Variants in FLACC1 observed in about 807,000 individuals in gnomAD.
FLACC1 encodes the protein flagellum associated containing coiled-coil domains 1.
In FLACC1, 66 loss-of-function variants were observed where a neutral mutation model predicts 62.8. That is an observed-to-expected ratio of 1.05 (90% confidence interval 0.86 to 1.29). The LOEUF is 1.29. Among genes scored for constraint, FLACC1 ranks in the 50% most tolerant of loss-of-function variants. The pLI, the probability that FLACC1 is intolerant of heterozygous loss-of-function variation, is 0.00. For missense variants in FLACC1, 452 were observed against 489.1 expected, an observed-to-expected ratio of 0.92 and a Z score of 0.71; for synonymous variants, 156 against 161.0, an observed-to-expected ratio of 0.97 and a Z score of 0.24.
rs1438535870 is a variant in FLACC1, at chr2:201,289,677, C to T, written c.1032+19G>A. 4.3e-6 allele frequency: 7 copies of T among 1,612,394 alleles called. No individual in the cohort carries two copies. The highest frequency in any genetic ancestry group is 4.2e-6 in the Non-Finnish European group (5 of 1,178,896). On this transcript the variant is annotated intron_variant, in intron 13 of 14. Coordinates refer to ENST00000392257, the MANE Select transcript of FLACC1 (RefSeq NM_001127391.3). ...GGGTTCTTCCCCCAACCCCCATCCC[C>T]ACTCCAGTAGGGACTCACCTCTTTC...
intron 12 of FLACC1, among the ~76,000 whole-genome samples, chr2:201,296,499 C>T (rs1328991874): frequency 6.6e-5 from 8 of 121,774 alleles, no homozygotes; most frequent in African/African-American, 1.0e-4. Context: ...ACATCACACA[C>T]CGGGGCCTGT....
At position 201,351,369 on chromosome 2, in the gene FLACC1, C is replaced by T. The variant is rs377182119; in HGVS notation, c.36G>A (p.Trp12Ter). 3.7e-6 allele frequency: 6 copies of T among 1,613,896 alleles called. No homozygotes were observed. In the African/African-American group the frequency reaches 8.0e-5, roughly 22 times the overall value. ...YPNPLIYCTC[W>*]DPWNLGPRKL... Reference sequence around the variant, plus strand: ...TCCGTGGTCCCAAGTTCCAGGGGTCCCAGCAGGTGCAGTAGATGAGAGGGT... The same window carrying T: ...TCCGTGGTCCCAAGTTCCAGGGGTCTCAGCAGGTGCAGTAGATGAGAGGGT... Residue 12 changes from tryptophan to a stop codon, truncating the protein, a stop_gained, in exon 2 of 15, where the codon TGG (tryptophan) becomes TGA (stop). Transcript: ENST00000392257. LOFTEE classifies it high-confidence loss of function.
At chr2:201,322,599 C>A (rs759294704) in intron 9 of FLACC1, among the ~76,000 whole-genome samples, 1 of 152,046 alleles carries the variant, frequency 6.6e-6, no homozygotes, top group Non-Finnish European at 1.5e-5. Flanking sequence ...TCAAATCAAA[C>A]ATCAATTCAA....
In FLACC1 at chr2:201,305,270, G is replaced by A. The variant is rs150679243; in HGVS notation, c.879+2249C>T. 6.4e-3 allele frequency among the ~76,000 whole-genome samples: 980 copies of A among 152,222 alleles called. 49 individuals carry two copies. In the East Asian group the frequency reaches 0.13, roughly 20 times the overall value. ...CAAACAACCCCATCAACAAGTGGGC[G>A]AAGGATATGAACAGACACTTCTCAA... is the stretch of plus-strand genomic sequence containing the variant. On this transcript the variant is annotated intron_variant, in intron 11 of 14. Coordinates refer to ENST00000392257, the MANE Select transcript of FLACC1 (RefSeq NM_001127391.3).
At chr2:201,342,075 A>G (rs1233830526) in intron 7 of FLACC1, among the ~76,000 whole-genome samples, 1 of 152,120 alleles carries the variant, frequency 6.6e-6, no homozygotes, top group African/African-American at 2.4e-5. Flanking sequence ...CAGAAATCTC[A>G]TAGAGAACAA....
At chr2:201,319,868 A>G (rs1950370849) in intron 9 of FLACC1, among the ~76,000 whole-genome samples, 1 of 152,254 alleles carries the variant, frequency 6.6e-6, no homozygotes, top group Non-Finnish European at 1.5e-5. Flanking sequence ...CAGGAAAACC[A>G]AAGGAATCTA....
intron 1 of FLACC1, among the ~76,000 whole-genome samples, chr2:201,352,627 C>T (rs899166232): frequency 2.0e-5 from 3 of 152,182 alleles, no homozygotes; most frequent in African/African-American, 7.2e-5. Context: ...CCAATTCACA[C>T]ATCAGAGGTC....
rs901540374 is a variant in FLACC1 at position 201,357,047 on chromosome 2, T to C, written c.-113A>G. 6.6e-5 allele frequency: 10 copies of C among 152,246 alleles called. No individual in the cohort carries two copies. Among genetic ancestry groups the C allele is most frequent in the South Asian group, 4.1e-4 (2 of 4,824 alleles). The allele number at this position is 152,246 out of a possible 1,614,324, so 9.4% of individuals were successfully genotyped here. A position where few individuals can be genotyped will look rare whatever the true frequency, so the allele number is the denominator to read the frequency against. The stretch of plus-strand genomic sequence containing the variant: ...GTCAAACATCTTAAAGAAACCACCA[T>C]GTTAGAGAGAAATGGTTCCCCATCA... On this transcript the variant is annotated 5_prime_UTR_variant, in exon 1 of 15. The change abolishes an upstream ATG in the 5' untranslated region. Transcript: ENST00000392257.
chr2:201,296,888 T>A (rs887655629), intron 12 of FLACC1, among the ~76,000 whole-genome samples: 2 of 151,954 alleles, frequency 1.3e-5, no homozygotes, highest in Non-Finnish European at 2.9e-5. Context: ...TGGGGATGGA[T>A]TGGAAGGGCA....
At chr2:201,307,465 G>T in intron 11 of FLACC1, 54 bp downstream of exon 11, 2 of 1,365,176 alleles carry the variant, frequency 1.5e-6, no homozygotes, top group Non-Finnish European at 2.1e-6. Flanking sequence ...TGGGGACTTG[G>T]GTGTACCACC....
At chr2:201,359,874 G>A (rs955408155), upstream of FLACC1, among the ~76,000 whole-genome samples, 9 of 152,032 alleles carry the variant, frequency 5.9e-5, no homozygotes, top group African/African-American at 2.2e-4. Context: ...TCTCCATCCA[G>A]AGATTGAATA....
chr2:201,300,418 C>T (rs771598361), intron 11 of FLACC1, among the ~76,000 whole-genome samples: 28 of 152,256 alleles, frequency 1.8e-4, no homozygotes, highest in Non-Finnish European at 3.8e-4. Flanking sequence ...GTAAACAAAG[C>T]GGCTGGAAAG....
chr2:201,360,794 C>T (rs578260376), upstream of FLACC1, among the ~76,000 whole-genome samples: 2 of 152,206 alleles, frequency 1.3e-5, no homozygotes, highest in South Asian at 2.1e-4. Context: ...TACGTGGGCC[C>T]GGGCTGGGTG....
Position 201,346,429 on chromosome 2 carries a change from A to G in FLACC1, c.368+113T>C. ...GGAGGTGCCCTTGCGGCCCCTCCAG[A>G]GCAGGGACCAGTGGCCTGGGTGTGG... On this transcript the variant is annotated intron_variant, in intron 5 of 14. Coordinates refer to ENST00000392257, the MANE Select transcript of FLACC1 (RefSeq NM_001127391.3). This position sits in a 1 kb window ranked among gnomAD's most constrained non-coding sequence, Gnocchi z 4.0. 2 of 1,487,910 alleles carry G rather than the reference A, an allele frequency of 1.3e-6. No homozygotes were observed. The highest frequency in any genetic ancestry group is 3.7e-5 in the Admixed American group (2 of 53,612). The allele number at this position is 1,487,910 out of a possible 1,614,324, so 92.2% of individuals were successfully genotyped here. A position where few individuals can be genotyped will look rare whatever the true frequency, so the allele number is the denominator to read the frequency against.
chr2:201,315,690 C>T (rs1489056225), intron 9 of FLACC1, among the ~76,000 whole-genome samples: 3 of 151,884 alleles, frequency 2.0e-5, no homozygotes, highest in Non-Finnish European at 4.4e-5. Flanking sequence ...TAAAATATAC[C>T]CTGGAACAAA....
At chr2:201,294,353 A>G (rs1949808915) in intron 12 of FLACC1, among the ~76,000 whole-genome samples, 1 of 152,222 alleles carries the variant, frequency 6.6e-6, no homozygotes, top group Non-Finnish European at 1.5e-5. Flanking sequence ...CCTGGGATGC[A>G]AGGCTGGTTC....
rs201199409 is a variant in FLACC1 at position 201,288,631 on chromosome 2, C to T, written c.*24G>A. On this transcript the variant is annotated 3_prime_UTR_variant, in exon 15 of 15. Transcript: ENST00000392257. ...ACAGAAATGGTGTGCCAACCATCTTCAACAATGCAGAGCAACTTTTTGTTT... is the reference window on the plus strand; with the variant it reads ...ACAGAAATGGTGTGCCAACCATCTTTAACAATGCAGAGCAACTTTTTGTTT... 2.5e-6 allele frequency: 4 copies of T among 1,611,760 alleles called. No individual in the cohort carries two copies. Among genetic ancestry groups the T allele is most frequent in the Admixed American group, 1.7e-5 (1 of 59,744 alleles).
upstream of FLACC1, among the ~76,000 whole-genome samples, chr2:201,358,697 G>T (rs1193992621): frequency 6.6e-6 from 1 of 152,060 alleles, no homozygotes; most frequent in East Asian, 1.9e-4. Flanking sequence ...GATTACAGGC[G>T]TGAGCCACTG....
intron 12 of FLACC1, among the ~76,000 whole-genome samples, chr2:201,295,001 C>T (rs778867767): frequency 1.3e-5 from 2 of 151,838 alleles, no homozygotes; most frequent in Non-Finnish European, 2.9e-5. Context: ...CACTGCTCAA[C>T]GAAATAAAAG....
Sources: allele counts gnomAD v4.1 joint callset (sites outside exome capture counted in the v4.1 genomes callset), GRCh38; gene constraint gnomAD v4.1.1; non-coding constraint Gnocchi (gnomAD v3.1); transcripts MANE v1.5; gene names NCBI Gene and HGNC (gene_info 2026-07-23, HGNC 2026-07-21).